LMF1: variants seen among roughly 807,000 people sequenced by gnomAD.
LMF1 encodes the protein transmembrane protein 112.
In LMF1, 68 loss-of-function variants were observed where a neutral mutation model predicts 60.6. The ratio of observed to expected loss-of-function variants is 1.12; its 90% CI spans 0.92 to 1.37. The LOEUF is 1.37. Ranked by LOEUF, LMF1 falls within the 40% of genes most tolerant of loss-of-function variation. The probability of loss-of-function intolerance (pLI) is 0.00; values close to 1 mark genes in which losing one functional copy is unlikely to be tolerated. For missense variants in LMF1, 948 were observed against 767.2 expected, an observed-to-expected ratio of 1.24 and a Z score of -2.78; for synonymous variants, 418 against 324.7, an observed-to-expected ratio of 1.29 and a Z score of -3.09.
At chr16:914,508 TTC>T (rs1491361754) in intron 3 of LMF1, among the ~76,000 whole-genome samples, 1 of 109,210 alleles carries the variant, frequency 9.2e-6, no homozygotes, top group African/African-American at 3.6e-5. Context: ...CCTCCCTCCC[TTC>T]CATGACCATT....
Position 854,537 on chromosome 16 carries a change from G to T in LMF1, c.1699C>A (p.Leu567Ile). 6.2e-7 allele frequency: 1 copy of T among 1,607,144 alleles called. No individual in the cohort carries two copies. The change falls in exon 11 of 11, where the codon CTC becomes ATC. Residue 567 changes from leucine to isoleucine, a missense_variant. Transcript: ENST00000262301. ...RDRGWPLPGPL is the reference protein window; with the variant it reads ...RDRGWPLPGPI ...CCTTTATTTCTGGTGCACGTCTAGA[G>T]GGGCCCGGGCAGAGGCCACCCACGG...
At chr16:870,277 CCTT>C (rs1363212476) in intron 8 of LMF1, among the ~76,000 whole-genome samples, 4 of 152,206 alleles carry the variant, frequency 2.6e-5, no homozygotes, top group African/African-American at 4.8e-5. Context: ...TTCGAGAACA[CCTT>C]CTCTGCCCGT....
chr16:913,995 G>A (rs1596981843), intron 3 of LMF1, among the ~76,000 whole-genome samples: 1 of 152,204 alleles, frequency 6.6e-6, no homozygotes, highest in South Asian at 2.1e-4. Flanking sequence ...GCCACATGGC[G>A]CCTCTTGGAG....
In LMF1 at chr16:962,959, C is replaced by T. The variant is rs542835496; in HGVS notation, c.193+7829G>A. 2.0e-5 allele frequency among the ~76,000 whole-genome samples: 3 copies of T among 152,218 alleles called. No homozygotes were observed. In the East Asian group the frequency reaches 5.8e-4, roughly 29 times the overall value. ...CAGAGCACCGCAGGGCCCTGGGCGA[C>T]GAAAGGGTCAGGGCTGGTGACCTCT... On this transcript the variant is annotated intron_variant, in intron 1 of 10. Coordinates refer to ENST00000262301, the MANE Select transcript of LMF1 (RefSeq NM_022773.4). The surrounding 1 kb of genome is among the most constrained non-coding windows in gnomAD (Gnocchi z 4.5).
chr16:978,005 CCACA>C (rs1212802267), intron 1 of LMF1, among the ~76,000 whole-genome samples: 3 of 138,050 alleles, frequency 2.2e-5, no homozygotes, highest in Non-Finnish European at 3.1e-5. Flanking sequence ...CACACACACA[CCACA>C]CACACACATC....
chr16:909,103 G>C (rs993441821), intron 4 of LMF1, among the ~76,000 whole-genome samples: 1 of 152,174 alleles, frequency 6.6e-6, no homozygotes, highest in African/African-American at 2.4e-5. Flanking sequence ...AACCCTCCCA[G>C]AAAAGGAATA....
At chr16:856,927 C>T (rs2069201049) in intron 10 of LMF1, among the ~76,000 whole-genome samples, 1 of 152,232 alleles carries the variant, frequency 6.6e-6, no homozygotes, top group African/African-American at 2.4e-5. Context: ...ACACGGGTCC[C>T]ATCCACGCCC....
rs2069764097 is a variant in LMF1, at chr16:870,837, A to G, written c.1124T>C (p.Leu375Pro). 6.2e-7 allele frequency: 1 copy of G among 1,611,914 alleles called. No homozygotes were observed. The highest frequency in any genetic ancestry group is 8.5e-7 in the Non-Finnish European group (1 of 1,179,774). The change falls in exon 8 of 11, where the codon CTG becomes CCG. Residue 375 changes from leucine (L) to proline (P), a missense_variant. Physicochemically the swap from Leu to Pro is moderately conservative, Grantham distance 98. Transcript: ENST00000262301. The part of the protein sequence containing the change: ...RAANVSLGVL[L>P]AWLSVPVVLN... ...GACCACGGGCACGCTGAGCCAGGCC[A>G]GCAGGACGCCCAGCGAGACGTTGGC...
At chr16:966,684 A>G (rs1291150322) in intron 1 of LMF1, among the ~76,000 whole-genome samples, 1 of 152,190 alleles carries the variant, frequency 6.6e-6, no homozygotes, top group Admixed American at 6.5e-5. Flanking sequence ...GGAAGTGTGC[A>G]CAGGCAAGGA....
At chr16:949,595 G>GCCA (rs1555472133) in intron 2 of LMF1, among the ~76,000 whole-genome samples, 7 of 71,142 alleles carry the variant, frequency 9.8e-5, no homozygotes, top group South Asian at 6.4e-4. Context: ...CAGAGTCAGA[G>GCCA]ACGACAGAGT....
At chr16:867,364 G>A (rs1362247337) in intron 10 of LMF1, among the ~76,000 whole-genome samples, 1 of 152,216 alleles carries the variant, frequency 6.6e-6, no homozygotes, top group Non-Finnish European at 1.5e-5. Context: ...TTGGCCAGAA[G>A]AGGCTTCCGT....
chr16:914,161 C>T (rs1372983634), intron 3 of LMF1, among the ~76,000 whole-genome samples: 1 of 151,896 alleles, frequency 6.6e-6, no homozygotes, highest in Non-Finnish European at 1.5e-5. Context: ...ACCTGGGCCA[C>T]CCCGACCCCT....
chr16:916,536 G>A (rs1245608069), intron 3 of LMF1, among the ~76,000 whole-genome samples: 2 of 152,190 alleles, frequency 1.3e-5, no homozygotes, highest in Non-Finnish European at 2.9e-5. Flanking sequence ...GGCTACAGAC[G>A]CCCCTGGGGC....
intron 10 of LMF1, among the ~76,000 whole-genome samples, chr16:859,114 C>G (rs1187255931): frequency 2.4e-5 from 3 of 124,194 alleles, no homozygotes; most frequent in Admixed American, 8.3e-5. Flanking sequence ...GCAGTGATGT[C>G]TCGGGACGGG....
chr16:970,523 G>T (rs1262947770), intron 1 of LMF1, among the ~76,000 whole-genome samples: 3 of 152,184 alleles, frequency 2.0e-5, no homozygotes, highest in Admixed American at 2.0e-4. Flanking sequence ...GCGCGGCCGT[G>T]CAACTTCGGG....
At chr16:949,534 A>G (rs1226706188) in intron 2 of LMF1, among the ~76,000 whole-genome samples, 4 of 141,152 alleles carry the variant, frequency 2.8e-5, no homozygotes, top group Admixed American at 2.8e-4. Context: ...CCAACGACAG[A>G]GTCAGAGCCA....
upstream of LMF1, chr16:971,061 C>T: frequency 1.5e-6 from 2 of 1,321,116 alleles, no homozygotes; most frequent in Non-Finnish European, 2.0e-6. Flanking sequence ...CTCTCCCTGG[C>T]CGGCCCTGCC....
intron 2 of LMF1, among the ~76,000 whole-genome samples, chr16:944,445 G>C (rs1473492097): frequency 2.6e-5 from 4 of 152,210 alleles, no homozygotes; most frequent in Non-Finnish European, 5.9e-5. Context: ...TCTGATCCCT[G>C]CCTCCTGAGC....
In LMF1 at chr16:893,092, G is replaced by C. The variant is rs368321246; in HGVS notation, c.664-20C>G. 2.6e-6 allele frequency: 4 copies of C among 1,550,676 alleles called. No individual in the cohort carries two copies. The highest frequency in any genetic ancestry group is 2.6e-6 in the Non-Finnish European group (3 of 1,146,420). On this transcript the variant is annotated intron_variant, in intron 4 of 10. Transcript: ENST00000262301. ...CAGGCCCTGCAAGGAAGAGAGCAGAGGGAGAGTCAGTCACAGGGGCTGGGG... is the reference window on the plus strand; with the variant it reads ...CAGGCCCTGCAAGGAAGAGAGCAGACGGAGAGTCAGTCACAGGGGCTGGGG...
Sources: allele counts gnomAD v4.1 joint callset (sites outside exome capture counted in the v4.1 genomes callset), GRCh38; gene constraint gnomAD v4.1.1; non-coding constraint Gnocchi (gnomAD v3.1); transcripts MANE v1.5; gene names NCBI Gene and HGNC (gene_info 2026-07-23, HGNC 2026-07-21).